Variants in PRDX3 observed in about 807,000 individuals in gnomAD.
PRDX3 encodes the protein thioredoxin-dependent peroxide reductase, mitochondrial.
PRDX3 carries 20 observed loss-of-function variants against 30.4 expected under a neutral mutation model. That is an observed-to-expected ratio of 0.66 (90% confidence interval 0.46 to 0.96). The LOEUF is 0.96. Ranked by LOEUF, PRDX3 falls within the 40% of genes least tolerant of loss-of-function variation. The probability of loss-of-function intolerance (pLI) is 0.00; values close to 1 mark genes in which losing one functional copy is unlikely to be tolerated. For missense variants in PRDX3, 322 were observed against 318.3 expected, an observed-to-expected ratio of 1.01 and a Z score of -0.09; for synonymous variants, 124 against 117.8, an observed-to-expected ratio of 1.05 and a Z score of -0.34.
intron 5 of PRDX3, chr10:119,170,403 TTTATC>T (rs1847877230): frequency 1.3e-5 from 2 of 152,130 alleles, no homozygotes; most frequent in African/African-American, 2.4e-5. Context: ...CCCAAAAGTC[TTTATC>T]TTATAAGCCA....
At chr10:119,170,444 C>T (rs1203006589) in intron 5 of PRDX3, 2 of 152,064 alleles carry the variant, frequency 1.3e-5, no homozygotes, top group African/African-American at 2.4e-5. Context: ...TCTTGTTAAT[C>T]TCAATATTAA....
Position 119,168,457 on chromosome 10 carries a change from A to T in PRDX3, c.*23T>A, listed in dbSNP as rs1224324709. ...ACTGTGGTTCTTCTCTCAGTTGAGAAGGTGCAGATACACATGGGTGATCTA... is the reference window on the plus strand; with the variant it reads ...ACTGTGGTTCTTCTCTCAGTTGAGATGGTGCAGATACACATGGGTGATCTA... On this transcript the variant is annotated 3_prime_UTR_variant, in exon 7 of 7. Transcript: ENST00000298510. 1 of 1,612,430 alleles carries T rather than the reference A, an allele frequency of 6.2e-7. No individual in the cohort carries two copies. Among genetic ancestry groups the T allele is most frequent in the South Asian group, 1.1e-5 (1 of 90,732 alleles).
chr10:119,176,876 G>T, intron 2 of PRDX3, 145 bp downstream of exon 2: 1 of 945,796 alleles, frequency 1.1e-6, no homozygotes, highest in Non-Finnish European at 1.6e-6. Context: ...AGACTAACTT[G>T]TCTGGGGTGG....
intron 2 of PRDX3, among the ~76,000 whole-genome samples, chr10:119,175,027 G>C (rs1021251734): frequency 1.3e-5 from 2 of 152,214 alleles, no homozygotes; most frequent in Non-Finnish European, 2.9e-5. Flanking sequence ...CACAGATGCA[G>C]AATCCAGATA....
chr10:119,178,630 A>C (rs1589668431), intron 1 of PRDX3, 125 bp downstream of exon 1: 1 of 1,215,312 alleles, frequency 8.2e-7, no homozygotes, highest in South Asian at 1.3e-5. Flanking sequence ...TGGGTCCGTT[A>C]CCCGCGGAAA....
chr10:119,171,308 G>A (rs1334723510), intron 5 of PRDX3, among the ~76,000 whole-genome samples: 3 of 151,900 alleles, frequency 2.0e-5, no homozygotes, highest in Non-Finnish European at 1.5e-5. Context: ...CCAAAGTGCT[G>A]GCATTACAGG....
chr10:119,176,568 T>C (rs971871373), intron 2 of PRDX3, among the ~76,000 whole-genome samples: 1 of 152,078 alleles, frequency 6.6e-6, no homozygotes, highest in African/African-American at 2.4e-5. Flanking sequence ...TAAATTTCGC[T>C]CAGATTACAG....
rs751854598 is a variant in PRDX3 at position 119,169,314 on chromosome 10, C to T, written c.580G>A (p.Val194Ile). 2.5e-6 allele frequency: 4 copies of T among 1,613,990 alleles called. No homozygotes were observed. The East Asian group carries it at 8.9e-5, about 36-fold the overall frequency. Residue 194 changes from valine (V) to isoleucine (I), a missense_variant, in exon 6 of 7, where the codon GTC becomes ATC. Transcript: ENST00000298510. ...TCGTTGACGCTCAAATGCTTGATGA[C>T]TCCATTGGGGTCAATTATGAAGAGA... ...RGLFIIDPNG[V>I]IKHLSVNDLP...
chr10:119,171,096 A>C (rs1029081942), intron 5 of PRDX3: 1 of 151,284 alleles, frequency 6.6e-6, no homozygotes, highest in Non-Finnish European at 1.5e-5. Flanking sequence ...GCTGGAGTGC[A>C]GTGGTGCGAT....
rs1848108756 is a variant in PRDX3, at chr10:119,178,767, CA to C, written c.23del (p.Leu8CysfsTer10). On this transcript the variant is annotated frameshift_variant, in exon 1 of 7. Transcript: ENST00000298510. LOFTEE classifies it high-confidence loss of function. MAAAVGR[L>X]LRASVARHVS... ...GACAGCCACTCACCGACGCTCGGAG[CA>C]ACCGTCCTACAGCAGCCGCCATCTT... is the stretch of plus-strand genomic sequence containing the variant. 6 of 1,552,660 alleles carry C rather than the reference CA, an allele frequency of 3.9e-6. No homozygotes were observed. Among genetic ancestry groups the C allele is most frequent in the Admixed American group, 2.0e-5 (1 of 51,280 alleles).
At chr10:119,174,312 C>A (rs1000935516) in intron 3 of PRDX3, 139 bp downstream of exon 3, 1 of 1,100,856 alleles carries the variant, frequency 9.1e-7, no homozygotes. Flanking sequence ...CAGCTGTAAT[C>A]AACAAGGCCA....
chr10:119,169,219 ATG>A lies in PRDX3; in HGVS notation c.673_674del (p.His225TrpfsTer89). ...TCCAGTTCGCTGGGCAGACTTCTCC[ATG>A]TGTTTCTACATACTGGAACGCCTTC... ...LVKAFQYVET[H>X]GEVCPANWTP... is the part of the protein sequence containing the mutation. On this transcript the variant is annotated frameshift_variant, in exon 6 of 7. Transcript: ENST00000298510. LOFTEE classifies it high-confidence loss of function. 1 of 1,612,948 alleles carries A rather than the reference ATG, an allele frequency of 6.2e-7. No individual in the cohort carries two copies. The highest frequency in any genetic ancestry group is 1.1e-5 in the South Asian group (1 of 91,024).
Position 119,168,404 on chromosome 10 carries a change from A to G in PRDX3, c.*76T>C. ...GGTTCCTTGCCTTCTACAAATAACCATCTTGAAAATGATAAAAGCAGGTTT... is the reference window on the plus strand; with the variant it reads ...GGTTCCTTGCCTTCTACAAATAACCGTCTTGAAAATGATAAAAGCAGGTTT... On this transcript the variant is annotated 3_prime_UTR_variant, in exon 7 of 7. Transcript: ENST00000298510. 6.2e-7 allele frequency: 1 copy of G among 1,601,824 alleles called. No individual in the cohort carries two copies. The highest frequency in any genetic ancestry group is 1.3e-5 in the African/African-American group (1 of 74,544).
rs1451792810 is a variant in PRDX3 at position 119,174,438 on chromosome 10, A to T, written c.311+13T>A. 4 of 1,590,968 alleles carry T rather than the reference A, an allele frequency of 2.5e-6. No individual in the cohort carries two copies. Among genetic ancestry groups the T allele is most frequent in the Non-Finnish European group, 3.4e-6 (4 of 1,172,896 alleles). On this transcript the variant is annotated intron_variant, in intron 3 of 6. Coordinates refer to ENST00000298510, the MANE Select transcript of PRDX3 (RefSeq NM_006793.5). ...TCAGAATGACACGAAAGCATCATAG[A>T]AATTACACTTACAAATCCAAAGGAT... is the stretch of plus-strand genomic sequence containing the variant.
intron 6 of PRDX3, 33 bp downstream of exon 6, chr10:119,169,144 T>A (rs112083433): frequency 6.3e-7 from 1 of 1,597,458 alleles, no homozygotes; most frequent in Non-Finnish European, 8.5e-7. Flanking sequence ...TGAGAGAACA[T>A]GGACCTCACT....
intron 5 of PRDX3, among the ~76,000 whole-genome samples, chr10:119,172,161 G>T (rs113086411): frequency 6.6e-6 from 1 of 152,240 alleles, no homozygotes; most frequent in African/African-American, 2.4e-5. Context: ...ATAGGGATGA[G>T]GTCTCACTAT....
chr10:119,176,438 G>C (rs1010809208), intron 2 of PRDX3, among the ~76,000 whole-genome samples: 1 of 152,042 alleles, frequency 6.6e-6, no homozygotes, highest in Non-Finnish European at 1.5e-5. Context: ...TATTAAATAC[G>C]GGCTTTTTCA....
At chr10:119,175,892 C>A (rs976656633) in intron 2 of PRDX3, among the ~76,000 whole-genome samples, 1 of 151,876 alleles carries the variant, frequency 6.6e-6, no homozygotes, top group Non-Finnish European at 1.5e-5. Flanking sequence ...AATTCTCCTG[C>A]CTCAGCCTCC....
chr10:119,173,560 G>A (rs539392755), intron 4 of PRDX3, among the ~76,000 whole-genome samples, 177 bp downstream of exon 4: 40 of 151,046 alleles, frequency 2.6e-4, no homozygotes, highest in Non-Finnish European at 4.9e-4. Context: ...AGTGAGCTGA[G>A]ATTGTGCCAT....
Sources: allele counts gnomAD v4.1 joint callset (sites outside exome capture counted in the v4.1 genomes callset), GRCh38; gene constraint gnomAD v4.1.1; transcripts MANE v1.5; gene names NCBI Gene and HGNC (gene_info 2026-07-23, HGNC 2026-07-21).